Variants in CUTC observed in about 807,000 individuals in gnomAD.
The protein encoded by CUTC is copper homeostasis protein cutC homolog.
Under a neutral mutation model 36.2 loss-of-function variants are expected in CUTC, and 27 were observed. The observed-to-expected ratio is 0.75, with a 90% CI of 0.55 to 1.03. The LOEUF is 1.03. Among genes scored for constraint, CUTC ranks in the 50% least tolerant of loss-of-function variants. The probability of loss-of-function intolerance (pLI) is 0.00; values close to 1 mark genes in which losing one functional copy is unlikely to be tolerated. For missense variants in CUTC, 315 were observed against 343.5 expected, an observed-to-expected ratio of 0.92 and a Z score of 0.66; for synonymous variants, 114 against 118.3, an observed-to-expected ratio of 0.96 and a Z score of 0.24.
At chr10:99,753,592 G>A (rs1354677210) in intron 7 of CUTC, among the ~76,000 whole-genome samples, 1 of 152,076 alleles carries the variant, frequency 6.6e-6, no homozygotes, top group East Asian at 1.9e-4. Flanking sequence ...GTATGTTTTT[G>A]TAGAGACGGG....
rs1298341229 is a variant in CUTC at position 99,755,761 on chromosome 10, G to T, written c.*22G>T. 6.5e-6 allele frequency: 9 copies of T among 1,389,910 alleles called. No individual in the cohort carries two copies. The highest frequency in any genetic ancestry group is 1.2e-5 in the South Asian group (1 of 85,422). The allele number at this position is 1,389,910 out of a possible 1,614,324, so 86.1% of individuals were successfully genotyped here. A position where few individuals can be genotyped will look rare whatever the true frequency, so the allele number is the denominator to read the frequency against. ...GTAGCCAGACCTCTCTGAGAGACATGGATATCACAGGATGAAGGTAGAACT... is the reference window on the plus strand; with the variant it reads ...GTAGCCAGACCTCTCTGAGAGACATTGATATCACAGGATGAAGGTAGAACT... On this transcript the variant is annotated 3_prime_UTR_variant, in exon 9 of 9. Transcript: ENST00000370476.
At position 99,755,908 on chromosome 10, in the gene CUTC, CAG is replaced by C. The variant is rs1406481425; in HGVS notation, c.*173_*174del. 1.6e-5 allele frequency: 9 copies of C among 552,148 alleles called. No individual in the cohort carries two copies. Among genetic ancestry groups the C allele is most frequent in the African/African-American group, 1.1e-4 (6 of 52,404 alleles). The allele number at this position is 552,148 out of a possible 1,614,324, so 34.2% of individuals were successfully genotyped here. A position where few individuals can be genotyped will look rare whatever the true frequency, so the allele number is the denominator to read the frequency against. Reference sequence around the variant, plus strand: ...GCCCAAGAAGAAAAAGAATTTGAAACAGAGATACAGTCACTTCCTTTGCTTAG... The same window carrying C: ...GCCCAAGAAGAAAAAGAATTTGAAACAGATACAGTCACTTCCTTTGCTTAG... On this transcript the variant is annotated 3_prime_UTR_variant, in exon 9 of 9. Transcript: ENST00000370476.
At position 99,742,894 on chromosome 10, in the gene CUTC, G is replaced by A. The variant is rs1012421395; in HGVS notation, c.194-259G>A. Among the ~76,000 whole-genome samples, 62 of 152,144 alleles carry A rather than the reference G, an allele frequency of 4.1e-4. 3 individuals are homozygous for A. Among genetic ancestry groups the A allele is most frequent in the Non-Finnish European group, 2.9e-5 (2 of 68,016 alleles). ...CCTGGTAGTTATTGCACTTTCAAAT[G>A]TCACCTACCAATAAAAGGGTTCTGA... is the stretch of plus-strand genomic sequence containing the variant. On this transcript the variant is annotated intron_variant, in intron 3 of 8. Transcript: ENST00000370476.
chr10:99,744,499 G>C (rs2037364525), intron 5 of CUTC, among the ~76,000 whole-genome samples: 2 of 152,202 alleles, frequency 1.3e-5, no homozygotes, highest in Non-Finnish European at 2.9e-5. Flanking sequence ...GGGGCTAGCA[G>C]TGAGGTGGGG....
chr10:99,747,432 G>A, intron 6 of CUTC, 42 bp downstream of exon 6: 1 of 1,611,124 alleles, frequency 6.2e-7, no homozygotes, highest in Non-Finnish European at 8.5e-7. Context: ...ACTCTGTTGT[G>A]GTTACTCCTG....
At chr10:99,743,860 AT>A (rs1283648370) in intron 4 of CUTC, among the ~76,000 whole-genome samples, 176 bp from the exon 5 acceptor site, 2 of 152,208 alleles carry the variant, frequency 1.3e-5, no homozygotes, top group African/African-American at 4.8e-5. Context: ...AAAATCAGAG[AT>A]TTGTGGAAAG....
At chr10:99,752,771 C>T (rs2037429246) in intron 7 of CUTC, among the ~76,000 whole-genome samples, 1 of 152,168 alleles carries the variant, frequency 6.6e-6, no homozygotes, top group South Asian at 2.1e-4. Flanking sequence ...CAAACCTTAT[C>T]AGGTAAATGT....
At chr10:99,732,709 C>G (rs976349165) in intron 1 of CUTC, 13 of 1,119,216 alleles carry the variant, frequency 1.2e-5, no homozygotes, top group Non-Finnish European at 1.4e-5. Flanking sequence ...CGTCGCCACA[C>G]GAGGATGCCA....
At chr10:99,732,507 C>T in intron 1 of CUTC, 98 bp downstream of exon 1, 1 of 1,529,308 alleles carries the variant, frequency 6.5e-7, no homozygotes, top group Non-Finnish European at 8.8e-7. Context: ...GGAGTCGTTT[C>T]CTCAGCTCCT....
At chr10:99,736,628 T>C (rs1290298218) in intron 2 of CUTC, among the ~76,000 whole-genome samples, 1 of 152,228 alleles carries the variant, frequency 6.6e-6, no homozygotes, top group Non-Finnish European at 1.5e-5. Context: ...TCATGAGGAA[T>C]TTTATCTTTT....
chr10:99,732,874 G>A (rs2037232404), intron 1 of CUTC, among the ~76,000 whole-genome samples: 1 of 152,200 alleles, frequency 6.6e-6, no homozygotes, highest in South Asian at 2.1e-4. Context: ...GCTTGTGGCT[G>A]CTCCAAGACC....
intron 2 of CUTC, among the ~76,000 whole-genome samples, chr10:99,737,394 A>G (rs2037305514): frequency 2.0e-5 from 3 of 152,238 alleles, no homozygotes; most frequent in African/African-American, 7.2e-5. Flanking sequence ...AGTGGAAGAA[A>G]ATACAACATA....
intron 1 of CUTC, among the ~76,000 whole-genome samples, chr10:99,735,661 G>C (rs2037291330): frequency 6.6e-6 from 1 of 152,180 alleles, no homozygotes; most frequent in South Asian, 2.1e-4. Context: ...ACCCACCTCG[G>C]CCTCCCAAAG....
At position 99,743,302 on chromosome 10, in the gene CUTC, G is replaced by C; in HGVS notation, c.343G>C (p.Val115Leu). 2.5e-6 allele frequency: 4 copies of C among 1,614,116 alleles called. No homozygotes were observed. Among genetic ancestry groups the C allele is most frequent in the Non-Finnish European group, 3.4e-6 (4 of 1,180,018 alleles). ...LAKLYGADGL[V>L]FGALTEDGHI... ...CAAGCTTTATGGTGCTGATGGTTTG[G>C]TTTTTGGGGCATTGACTGAAGATGG... is the stretch of plus-strand genomic sequence containing the variant. Residue 115 changes from valine (V) to leucine (L), a missense_variant, in exon 4 of 9, where the codon GTT becomes CTT. By Grantham distance (32) the Val-to-Leu change is conservative. Coordinates refer to ENST00000370476, the MANE Select transcript of CUTC (RefSeq NM_015960.3).
intron 7 of CUTC, among the ~76,000 whole-genome samples, chr10:99,752,774 G>A (rs2037429271): frequency 1.3e-5 from 2 of 152,146 alleles, no homozygotes; most frequent in African/African-American, 4.8e-5. Flanking sequence ...ACCTTATCAG[G>A]TAAATGTTAA....
rs1441571886 is a variant in CUTC at position 99,736,309 on chromosome 10, A to G, written c.125A>G (p.Glu42Gly). 5 of 1,613,020 alleles carry G rather than the reference A, an allele frequency of 3.1e-6. No homozygotes were observed. The highest frequency in any genetic ancestry group is 4.2e-6 in the Non-Finnish European group (5 of 1,179,040). ...VDSVESAVNA[E>G]RGGADRIELC... ...TCAGTGGAATCAGCTGTGAATGCAG[A>G]AAGAGGAGGTAAGAGAAATCAGATA... The change falls in exon 2 of 9, where the codon GAA becomes GGA. Residue 42 changes from glutamate to glycine, a missense_variant. Glu to Gly is a moderately conservative substitution (Grantham distance 98, BLOSUM62 -2). Coordinates refer to ENST00000370476, the MANE Select transcript of CUTC (RefSeq NM_015960.3).
At chr10:99,736,650 C>G (rs991876993) in intron 2 of CUTC, among the ~76,000 whole-genome samples, 1 of 152,102 alleles carries the variant, frequency 6.6e-6, no homozygotes, top group Non-Finnish European at 1.5e-5. Context: ...TACTTTTGAA[C>G]ATTATCTATT....
At chr10:99,741,961 C>T (rs1448895389) in intron 3 of CUTC, among the ~76,000 whole-genome samples, 2 of 152,130 alleles carry the variant, frequency 1.3e-5, no homozygotes, top group African/African-American at 4.8e-5. Context: ...GTACTGTCTC[C>T]TATAAACTCT....
In CUTC at chr10:99,732,319, G is replaced by A. The variant is rs770474016; in HGVS notation, c.-30G>A. The A allele has an allele frequency of 6.4e-7, 1 of 1,550,948 alleles. No homozygotes were observed. The highest frequency in any genetic ancestry group is 1.2e-5 in the South Asian group (1 of 84,048). On this transcript the variant is annotated 5_prime_UTR_variant, in exon 1 of 9. Transcript: ENST00000370476. ...GGAGCCCAAATTCCAAGTGGAAACT[G>A]CAGGCGCACGAGGGAGGAACGCGTG...
Sources: gnomAD v4.1 joint callset for allele counts (sites outside exome capture counted in the v4.1 genomes callset) on GRCh38, gnomAD v4.1.1 for gene constraint, MANE v1.5 for transcripts, NCBI Gene and HGNC (gene_info 2026-07-23, HGNC 2026-07-21) for gene names.